Variants in NEO1 observed in about 807,000 individuals in gnomAD.
The protein encoded by NEO1 is neogenin 1, also known as neogenin.
NEO1 carries 63 observed loss-of-function variants against 159.7 expected under a neutral mutation model. The observed-to-expected ratio is 0.39, with a 90% confidence interval of 0.32 to 0.49. NEO1 has a LOEUF of 0.49. Among genes scored for constraint, NEO1 ranks in the 20% least tolerant of loss-of-function variants. NEO1 has a pLI of 0.85. For synonymous variants in NEO1, 633 were observed against 662.0 expected (o/e 0.96, Z 0.67); for missense variants, 1,615 against 1,831.0 (o/e 0.88, Z 2.15).
intron 1 of NEO1, among the ~76,000 whole-genome samples, chr15:73,073,050 A>G (rs2068612006): frequency 6.6e-6 from 1 of 152,190 alleles, no homozygotes; most frequent in Non-Finnish European, 1.5e-5. Context: ...TGTGATATCC[A>G]GGGGCAGCAT....
At chr15:73,173,659 C>T (rs1979410) in intron 5 of NEO1, among the ~76,000 whole-genome samples, 14,854 of 151,964 alleles carry the variant, frequency 0.098, 989 homozygotes, top group African/African-American at 0.18. Context: ...CATATGCAAA[C>T]GTAAAACTTT....
At chr15:73,069,783 TTAAA>T (rs2068446658) in intron 1 of NEO1, among the ~76,000 whole-genome samples, 1 of 152,170 alleles carries the variant, frequency 6.6e-6, no homozygotes, top group Admixed American at 6.5e-5. Context: ...TTTTAATTTG[TTAAA>T]TAAGGAATTC....
At chr15:73,269,383 CAG>C (rs772709325) in intron 16 of NEO1, among the ~76,000 whole-genome samples, 7 of 152,072 alleles carry the variant, frequency 4.6e-5, no homozygotes, top group Admixed American at 2.0e-4. Flanking sequence ...TTTTCTGAGA[CAG>C]AGTCTTGCTC....
rs1418412555 is a variant in NEO1, at chr15:73,168,358, A to G, written c.1016-8045A>G. Among the ~76,000 whole-genome samples the G allele has an allele frequency of 4.9e-5, 4 of 82,422 alleles. No homozygotes were observed. In the Admixed American group the frequency reaches 6.2e-4, roughly 13 times the overall value. 54.1% of individuals were successfully genotyped at this position (82,422 alleles called of 152,430 possible). ...ACCACAGGGTCCAGCTAATTTTTGT[A>G]TTTTTAGTAGAGACGGGGGGTGGGG... On this transcript the variant is annotated intron_variant, in intron 5 of 28. Transcript: ENST00000261908.
chr15:73,222,365 A>G (rs983219250), intron 7 of NEO1, among the ~76,000 whole-genome samples: 2 of 151,660 alleles, frequency 1.3e-5, no homozygotes, highest in Non-Finnish European at 2.9e-5. Flanking sequence ...CAGCCTCCCA[A>G]AGTCCTGGGA....
At chr15:73,251,253 G>A (rs1218865345) in intron 11 of NEO1, among the ~76,000 whole-genome samples, 1 of 152,096 alleles carries the variant, frequency 6.6e-6, no homozygotes, top group African/African-American at 2.4e-5. Context: ...GCTCATGCCT[G>A]TAATCCCAGC....
intron 14 of NEO1, among the ~76,000 whole-genome samples, chr15:73,259,737 G>A (rs2040532982): frequency 1.3e-5 from 2 of 152,160 alleles, no homozygotes; most frequent in African/African-American, 2.4e-5. Flanking sequence ...TTCCTCCTTT[G>A]TAAGCCTCTT....
chr15:73,193,571 A>T (rs2036357521), intron 7 of NEO1, among the ~76,000 whole-genome samples: 1 of 148,936 alleles, frequency 6.7e-6, no homozygotes, highest in African/African-American at 2.5e-5. Flanking sequence ...GGTTGGTCAG[A>T]TGTATCATTT....
chr15:73,201,954 C>CTTTT (rs1206304409), intron 7 of NEO1, among the ~76,000 whole-genome samples: 370 of 83,322 alleles, frequency 4.4e-3, no homozygotes, highest in East Asian at 6.3e-3. Flanking sequence ...CTATATCATT[C>CTTTT]TTTTTTTTTT....
chr15:73,189,166 T>C (rs1315441873), intron 7 of NEO1, among the ~76,000 whole-genome samples: 2 of 152,190 alleles, frequency 1.3e-5, no homozygotes, highest in African/African-American at 2.4e-5. Flanking sequence ...TTTATATCTT[T>C]GATTGTGAAG....
At chr15:73,090,099 T>C (rs2069597874) in intron 1 of NEO1, among the ~76,000 whole-genome samples, 1 of 152,204 alleles carries the variant, frequency 6.6e-6, no homozygotes, top group Non-Finnish European at 1.5e-5. Flanking sequence ...AATAATGAGA[T>C]AGAACTATAG....
chr15:73,222,300 T>G (rs2038339118), intron 7 of NEO1, among the ~76,000 whole-genome samples: 1 of 151,542 alleles, frequency 6.6e-6, no homozygotes, highest in Non-Finnish European at 1.5e-5. Flanking sequence ...GAGACGGGGT[T>G]TCACCGTGTT....
chr15:73,070,533 T>C lies in NEO1; in HGVS notation c.130+17728T>C, dbSNP rs192632505. 1.6e-3 allele frequency among the ~76,000 whole-genome samples: 246 copies of C among 152,166 alleles called. 1 individual carries two copies. The highest frequency in any genetic ancestry group is 5.5e-3 in the African/African-American group (229 of 41,506). On this transcript the variant is annotated intron_variant, in intron 1 of 28. Transcript: ENST00000261908. ...GAATCATGGAAGAGCTAGAAGAAAATAGAAAAGAGGTTTTTAAAAAGCCTT... is the reference window on the plus strand; with the variant it reads ...GAATCATGGAAGAGCTAGAAGAAAACAGAAAAGAGGTTTTTAAAAAGCCTT...
chr15:73,303,107 A>G lies in NEO1; in HGVS notation c.*411A>G, dbSNP rs1345409257. 1.2e-5 allele frequency: 2 copies of G among 160,052 alleles called. No homozygotes were observed. Among genetic ancestry groups the G allele is most frequent in the African/African-American group, 4.8e-5 (2 of 41,716 alleles). 9.9% of individuals were successfully genotyped at this position (160,052 alleles called of 1,614,324 possible). On this transcript the variant is annotated 3_prime_UTR_variant, in exon 29 of 29. Transcript: ENST00000261908. ...TGTGTCTTATTTTATTTTACCTTCAAAAACAAAAACGCCATCCAAAACCAA... is the reference window on the plus strand; with the variant it reads ...TGTGTCTTATTTTATTTTACCTTCAGAAACAAAAACGCCATCCAAAACCAA...
chr15:73,207,141 A>G (rs1009931199), intron 7 of NEO1, among the ~76,000 whole-genome samples: 10 of 152,236 alleles, frequency 6.6e-5, no homozygotes, highest in African/African-American at 2.4e-4. Context: ...CAATTAATGA[A>G]TAGATTTGTT....
chr15:73,279,645 G>A (rs530766351), intron 22 of NEO1, among the ~76,000 whole-genome samples: 30 of 152,156 alleles, frequency 2.0e-4, no homozygotes, highest in Admixed American at 7.2e-4. Context: ...CACCACGCCC[G>A]GGGCCCGCGT....
chr15:73,057,658 T>G (rs1202581308), intron 1 of NEO1, among the ~76,000 whole-genome samples: 1 of 152,202 alleles, frequency 6.6e-6, no homozygotes, highest in Non-Finnish European at 1.5e-5. Context: ...AGAGTTTTTT[T>G]GATTCAAAAA....
chr15:73,230,709 G>A (rs2038861176), intron 7 of NEO1, among the ~76,000 whole-genome samples: 1 of 152,106 alleles, frequency 6.6e-6, no homozygotes, highest in Non-Finnish European at 1.5e-5. Context: ...TCCTGCCTCA[G>A]CTTCTCAAGT....
At chr15:73,087,576 TTTC>T (rs1299679055) in intron 1 of NEO1, among the ~76,000 whole-genome samples, 3 of 152,172 alleles carry the variant, frequency 2.0e-5, no homozygotes, top group African/African-American at 7.2e-5. Context: ...TGGAATGTTA[TTTC>T]TTCTTTAACT....
Sources: allele counts gnomAD v4.1 joint callset (sites outside exome capture counted in the v4.1 genomes callset), GRCh38; gene constraint gnomAD v4.1.1; transcripts MANE v1.5; gene names NCBI Gene and HGNC (gene_info 2026-07-23, HGNC 2026-07-21).